The following CSMD1 variants were observed in gnomAD, a reference collection of about 807,000 sequenced individuals.
CSMD1 encodes the protein CUB and sushi domain-containing protein 1.
A neutral mutation model predicts 417.5 loss-of-function variants in CSMD1; 213 were observed. The observed-to-expected ratio is 0.51, with a 90% confidence interval of 0.46 to 0.57. CSMD1 has a LOEUF of 0.57. CSMD1 is among the 20% of genes least tolerant of loss of function. CSMD1 has a pLI of 0.00. For synonymous variants in CSMD1, 2,862 were observed against 1,736.8 expected, an observed-to-expected ratio of 1.65 and a Z score of -16.11; for missense variants, 6,923 against 4,529.7, an observed-to-expected ratio of 1.53 and a Z score of -15.17.
At chr8:4,629,179 A>C (rs543240359) in intron 2 of CSMD1, among the ~76,000 whole-genome samples, 115 of 152,340 alleles carry the variant, frequency 7.5e-4, no homozygotes, top group Middle Eastern at 3.4e-3. Flanking sequence ...TATTTGTAGA[A>C]TACATTCTTA....
chr8:3,089,391 C>A (rs1210411875), intron 48 of CSMD1, among the ~76,000 whole-genome samples: 1 of 152,230 alleles, frequency 6.6e-6, no homozygotes, highest in African/African-American at 2.4e-5. Context: ...CTGCGCTTAG[C>A]ACAGTTTACG....
At chr8:3,227,599 T>C (rs1204478261) in intron 27 of CSMD1, among the ~76,000 whole-genome samples, 1 of 152,038 alleles carries the variant, frequency 6.6e-6, no homozygotes, top group East Asian at 1.9e-4. Flanking sequence ...TTCAAACAAA[T>C]AGATACTAGA....
At chr8:3,844,641 G>A (rs1803367992) in intron 5 of CSMD1, among the ~76,000 whole-genome samples, 3 of 152,054 alleles carry the variant, frequency 2.0e-5, no homozygotes, top group South Asian at 2.1e-4. Context: ...GAGAACGGTG[G>A]GTATGCAGCT....
chr8:3,495,546 G>T (rs773390407), intron 10 of CSMD1, among the ~76,000 whole-genome samples: 1 of 152,204 alleles, frequency 6.6e-6, no homozygotes, highest in African/African-American at 2.4e-5. Context: ...AGGTCCTGTT[G>T]TCAAACACCA....
At chr8:3,377,617 T>A (rs1409469326) in intron 18 of CSMD1, among the ~76,000 whole-genome samples, 1 of 152,164 alleles carries the variant, frequency 6.6e-6, no homozygotes, top group African/African-American at 2.4e-5. Context: ...TTCACTCAGT[T>A]TCCATTAAAC....
intron 3 of CSMD1, among the ~76,000 whole-genome samples, chr8:4,078,140 A>T (rs992793208): frequency 1.3e-5 from 2 of 152,180 alleles, no homozygotes; most frequent in African/African-American, 4.8e-5. Flanking sequence ...TGAACTTTAA[A>T]ATCAGCTTAC....
At chr8:3,299,277 C>T (rs1275771096) in intron 25 of CSMD1, among the ~76,000 whole-genome samples, 1 of 151,980 alleles carries the variant, frequency 6.6e-6, no homozygotes, top group African/African-American at 2.4e-5. Context: ...TATGGGGAAA[C>T]CCTGTCTCTA....
intron 3 of CSMD1, among the ~76,000 whole-genome samples, chr8:4,204,708 G>C (rs1036196738): frequency 6.6e-6 from 1 of 152,116 alleles, no homozygotes; most frequent in African/African-American, 2.4e-5. Flanking sequence ...AGGCTGGAAT[G>C]CAGCAGTCAG....
chr8:3,655,999 G>A (rs1046833781), intron 7 of CSMD1, among the ~76,000 whole-genome samples: 3 of 152,116 alleles, frequency 2.0e-5, no homozygotes, highest in African/African-American at 2.4e-5. Context: ...AAGGGTTGGT[G>A]AAATAAGTTT....
chr8:4,218,677 G>C (rs1300691698), intron 3 of CSMD1, among the ~76,000 whole-genome samples: 1 of 152,168 alleles, frequency 6.6e-6, no homozygotes, highest in Non-Finnish European at 1.5e-5. Context: ...AGGCTCTAAA[G>C]CTTGGATACA....
chr8:3,443,889 G>T (rs529454595), intron 12 of CSMD1, among the ~76,000 whole-genome samples: 3 of 152,146 alleles, frequency 2.0e-5, no homozygotes, highest in Non-Finnish European at 4.4e-5. Context: ...CGTCTGTGTT[G>T]TAAGATACAG....
At chr8:3,160,288 C>T (rs796377156) in intron 38 of CSMD1, among the ~76,000 whole-genome samples, 15 of 152,176 alleles carry the variant, frequency 9.9e-5, no homozygotes, top group African/African-American at 3.1e-4. Flanking sequence ...ATGCCCAGCT[C>T]ATTTTTGTAT....
intron 1 of CSMD1, among the ~76,000 whole-genome samples, chr8:4,899,667 G>A (rs1385206924): frequency 6.6e-6 from 1 of 152,138 alleles, no homozygotes; most frequent in Non-Finnish European, 1.5e-5. Context: ...AGATGACCAT[G>A]TCTTGAACAA....
At chr8:4,130,350 A>G (rs981157039) in intron 3 of CSMD1, among the ~76,000 whole-genome samples, 2 of 152,132 alleles carry the variant, frequency 1.3e-5, no homozygotes, top group African/African-American at 4.8e-5. Flanking sequence ...GACCCCCAGT[A>G]ATGGAAGTGG....
intron 1 of CSMD1, among the ~76,000 whole-genome samples, chr8:4,859,800 A>C (rs1802017567): frequency 6.6e-6 from 1 of 152,098 alleles, no homozygotes; most frequent in African/African-American, 2.4e-5. Flanking sequence ...GAACACTTTG[A>C]CACTGTTGGT....
chr8:3,984,276 T>G (rs558235296), intron 5 of CSMD1, among the ~76,000 whole-genome samples: 2 of 152,168 alleles, frequency 1.3e-5, no homozygotes, highest in African/African-American at 4.8e-5. Context: ...CACATTGATG[T>G]CCCCAATAAA....
At chr8:3,893,030 A>G (rs1807091098) in intron 5 of CSMD1, among the ~76,000 whole-genome samples, 1 of 152,016 alleles carries the variant, frequency 6.6e-6, no homozygotes. Flanking sequence ...ACTTGTCAAT[A>G]ATAGTGATAT....
At chr8:4,228,972 C>T (rs529073033) in intron 3 of CSMD1, among the ~76,000 whole-genome samples, 1 of 152,036 alleles carries the variant, frequency 6.6e-6, no homozygotes, top group African/African-American at 2.4e-5. Context: ...AAGCCAGGAC[C>T]CCTGATTTTA....
At chr8:3,675,508 G>A (rs1466994648) in intron 7 of CSMD1, among the ~76,000 whole-genome samples, 4 of 152,142 alleles carry the variant, frequency 2.6e-5, no homozygotes, top group Non-Finnish European at 5.9e-5. Context: ...TTCATATGTT[G>A]AAGCCCCAAT....
Sources: gnomAD v4.1 joint callset for allele counts (sites outside exome capture counted in the v4.1 genomes callset) on GRCh38, gnomAD v4.1.1 for gene constraint, MANE v1.5 for transcripts, NCBI Gene and HGNC (gene_info 2026-07-23, HGNC 2026-07-21) for gene names.